Variants in STK32B observed in about 807,000 individuals in gnomAD.
STK32B encodes serine/threonine kinase 32B, also known as serine/threonine-protein kinase 32B.
In STK32B, 43 loss-of-function variants were observed where a neutral mutation model predicts 52.6. The observed-to-expected ratio is 0.82, with a 90% CI of 0.64 to 1.05. The LOEUF (loss-of-function observed/expected upper bound fraction) is 1.05, where lower values mean the gene tolerates loss of function less well. Ranked by LOEUF, STK32B falls within the 50% of genes least tolerant of loss-of-function variation. The probability of loss-of-function intolerance (pLI) is 0.00; values close to 1 mark genes in which losing one functional copy is unlikely to be tolerated. For synonymous variants in STK32B, 238 were observed against 204.3 expected (o/e 1.17, Z -1.41); for missense variants, 621 against 534.6 (o/e 1.16, Z -1.59).
the STK32B span, among the ~76,000 whole-genome samples, chr4:5,045,366 C>T: frequency 2.6e-5 from 4 of 152,236 alleles, no homozygotes; most frequent in Non-Finnish European, 4.4e-5. Flanking sequence ...TCATTCCTGA[C>T]ATCTGTGCAG....
At chr4:5,141,783 A>T (rs1442592073) in intron 2 of STK32B, among the ~76,000 whole-genome samples, 1 of 152,068 alleles carries the variant, frequency 6.6e-6, no homozygotes, top group Admixed American at 6.5e-5. Flanking sequence ...AGGCTGTCTG[A>T]TGTCATCACA....
intron 3 of STK32B, among the ~76,000 whole-genome samples, chr4:5,316,026 G>C (rs1469039089): frequency 6.8e-6 from 1 of 147,652 alleles, no homozygotes; most frequent in African/African-American, 2.5e-5. Context: ...TTTTTAAAGA[G>C]AGCTGACATT....
intron 3 of STK32B, among the ~76,000 whole-genome samples, chr4:5,296,555 G>A (rs1435941859): frequency 2.6e-5 from 4 of 152,120 alleles, no homozygotes; most frequent in Admixed American, 2.0e-4. Flanking sequence ...TTGGTTTACA[G>A]ACTATTTTAT....
chr4:5,402,128 C>T (rs937675758), intron 5 of STK32B, among the ~76,000 whole-genome samples: 6 of 152,378 alleles, frequency 3.9e-5, no homozygotes, highest in Admixed American at 1.3e-4. Flanking sequence ...CCACCTGTGT[C>T]GTGTTTGCCA....
At chr4:5,291,517 C>G (rs1728890562) in intron 3 of STK32B, among the ~76,000 whole-genome samples, 1 of 152,038 alleles carries the variant, frequency 6.6e-6, no homozygotes, top group Non-Finnish European at 1.5e-5. Context: ...TTTGCTGCAG[C>G]CTTACTAAAT....
intron 3 of STK32B, among the ~76,000 whole-genome samples, chr4:5,323,971 C>G (rs1234174488): frequency 6.6e-6 from 1 of 152,238 alleles, no homozygotes; most frequent in Non-Finnish European, 1.5e-5. Flanking sequence ...CTTAATCTCT[C>G]TGAACCTCAT....
intron 1 of STK32B, among the ~76,000 whole-genome samples, chr4:5,129,305 T>C (rs760321726): frequency 2.0e-5 from 3 of 152,230 alleles, no homozygotes; most frequent in African/African-American, 4.8e-5. Flanking sequence ...TCTTCTTTAT[T>C]GGAGTCCAAC....
At chr4:5,462,204 G>T (rs967551071) in intron 9 of STK32B, among the ~76,000 whole-genome samples, 2 of 151,882 alleles carry the variant, frequency 1.3e-5, no homozygotes, top group Non-Finnish European at 2.9e-5. Context: ...CCCGTGGTGT[G>T]TGTGCCTATA....
At chr4:5,253,666 C>T (rs577155270) in intron 3 of STK32B, among the ~76,000 whole-genome samples, 9 of 151,784 alleles carry the variant, frequency 5.9e-5, no homozygotes, top group African/African-American at 2.2e-4. Flanking sequence ...TGAGACACTG[C>T]ACCCAGCCTG....
Position 5,394,816 on chromosome 4 carries a change from C to T in STK32B, c.435-3391C>T, listed in dbSNP as rs1319938950. Among the ~76,000 whole-genome samples the T allele has an allele frequency of 6.6e-6, 1 of 152,248 alleles. No homozygotes were observed. Among genetic ancestry groups the T allele is most frequent in the African/African-American group, 2.4e-5 (1 of 41,468 alleles). ...AGGCTGAGAGTAAGTGGCCCAAGAT[C>T]ATATAGCTAGAGAATTAGTTTTCTA... On this transcript the variant is annotated intron_variant, in intron 4 of 11. Coordinates refer to ENST00000282908, the MANE Select transcript of STK32B (RefSeq NM_018401.3). The surrounding 1 kb of genome is among the most constrained non-coding windows in gnomAD (Gnocchi z 4.2).
intron 3 of STK32B, among the ~76,000 whole-genome samples, chr4:5,269,498 AGC>A (rs2108854759): frequency 6.6e-6 from 1 of 152,348 alleles, no homozygotes; most frequent in African/African-American, 2.4e-5. Flanking sequence ...CATGCATAGA[AGC>A]AAGGCAGTGT....
intron 3 of STK32B, among the ~76,000 whole-genome samples, chr4:5,245,640 G>T (rs59385239): frequency 6.6e-6 from 1 of 152,056 alleles, no homozygotes; most frequent in Non-Finnish European, 1.5e-5. Context: ...TATTTTGCTC[G>T]TTAGTTGATG....
rs1194600801 is a variant in STK32B at position 5,386,373 on chromosome 4, T to C, written c.435-11834T>C. On this transcript the variant is annotated intron_variant, in intron 4 of 11. Coordinates refer to ENST00000282908, the MANE Select transcript of STK32B (RefSeq NM_018401.3). This position sits in a 1 kb window ranked among gnomAD's most constrained non-coding sequence, Gnocchi z 4.5. ...GCCCATGCATAGTGCAGGGTGGAAA[T>C]GGTGGGCCAGAGGGAGGGGGAGTGG... Among the ~76,000 whole-genome samples, 2 of 151,784 alleles carry C rather than the reference T, an allele frequency of 1.3e-5. No homozygotes were observed. The highest frequency in any genetic ancestry group is 2.9e-5 in the Non-Finnish European group (2 of 67,982).
At chr4:5,401,768 C>T (rs756619111) in intron 5 of STK32B, among the ~76,000 whole-genome samples, 12 of 152,204 alleles carry the variant, frequency 7.9e-5, no homozygotes, top group Non-Finnish European at 1.8e-4. Flanking sequence ...TATTGATTTT[C>T]TATTGGTACA....
At chr4:5,283,746 T>G (rs6811705) in intron 3 of STK32B, among the ~76,000 whole-genome samples, 1 of 152,002 alleles carries the variant, frequency 6.6e-6, no homozygotes, top group Non-Finnish European at 1.5e-5. Flanking sequence ...TGGCAATCTT[T>G]AGAAATAATG....
At chr4:5,113,424 G>A (rs542729784) in intron 1 of STK32B, among the ~76,000 whole-genome samples, 13 of 152,264 alleles carry the variant, frequency 8.5e-5, no homozygotes, top group South Asian at 2.1e-4. Flanking sequence ...CCAAGACACC[G>A]TGTGAATGCA....
intron 3 of STK32B, among the ~76,000 whole-genome samples, chr4:5,219,258 TG>T (rs1312313109): frequency 2.0e-5 from 3 of 152,220 alleles, no homozygotes; most frequent in African/African-American, 7.2e-5. Flanking sequence ...CTGGAGGCCC[TG>T]GGTGGCCAGG....
chr4:5,382,153 G>C (rs754691856), intron 4 of STK32B, among the ~76,000 whole-genome samples: 1 of 152,116 alleles, frequency 6.6e-6, no homozygotes, highest in Non-Finnish European at 1.5e-5. Context: ...TGACTTAAAT[G>C]TTAATCTTAC....
At chr4:5,317,192 CATATATATATTATATAT>C (rs1183036127) in intron 3 of STK32B, among the ~76,000 whole-genome samples, 1 of 38,340 alleles carries the variant, frequency 2.6e-5, no homozygotes, top group Non-Finnish European at 3.6e-5. Flanking sequence ...ATATATATAA[CATATATATATTATATAT>C]ATAACATATA....
Sources: gnomAD v4.1 joint callset for allele counts (sites outside exome capture counted in the v4.1 genomes callset) on GRCh38, gnomAD v4.1.1 for gene constraint, Gnocchi (gnomAD v3.1) non-coding constraint, MANE v1.5 for transcripts, NCBI Gene and HGNC (gene_info 2026-07-23, HGNC 2026-07-21) for gene names.